TIAM1: variants seen among roughly 807,000 people sequenced by gnomAD.
TIAM1 encodes rho guanine nucleotide exchange factor TIAM1.
In TIAM1, 65 loss-of-function variants were observed where a neutral mutation model predicts 163.5. The observed-to-expected ratio is 0.40, with a 90% CI of 0.33 to 0.49. The LOEUF is 0.49. Among genes scored for constraint, TIAM1 ranks in the 20% least tolerant of loss-of-function variants. The probability of loss-of-function intolerance (pLI) is 0.77; values close to 1 mark genes in which losing one functional copy is unlikely to be tolerated. For synonymous variants in TIAM1, 833 were observed against 810.1 expected (o/e 1.03, Z -0.48); for missense variants, 1,789 against 2,044.7 (o/e 0.87, Z 2.41).
chr21:31,361,272 T>C (rs940747594), intron 2 of TIAM1, among the ~76,000 whole-genome samples: 3 of 152,186 alleles, frequency 2.0e-5, no homozygotes. Flanking sequence ...ATGATTCCAC[T>C]GATATACAGT....
intron 15 of TIAM1, among the ~76,000 whole-genome samples, chr21:31,172,880 G>GA (rs34725096): frequency 0.037 from 5,343 of 144,568 alleles, 338 homozygotes; most frequent in African/African-American, 0.12. Flanking sequence ...TTGAAAGTAA[G>GA]AAAAAAAAAA....
intron 2 of TIAM1, among the ~76,000 whole-genome samples, chr21:31,373,572 C>G (rs1008794347): frequency 1.3e-5 from 2 of 152,018 alleles, no homozygotes; most frequent in Non-Finnish European, 2.9e-5. Flanking sequence ...GCCTTGAGCA[C>G]CTAACATATG....
In TIAM1 at chr21:31,281,096, A is replaced by AC. The variant is rs1555915265; in HGVS notation, c.-188-4189_-188-4188insG. ...GTGAGACCCTAACTCAAAAAAAAAA[A>AC]AAAAAAAAAAAACAACGACAAAAAA... On this transcript the variant is annotated intron_variant, in intron 2 of 27. Coordinates refer to ENST00000541036, the MANE Select transcript of TIAM1 (RefSeq NM_001353694.2). Among the ~76,000 whole-genome samples the AC allele has an allele frequency of 1.2e-4, 18 of 151,094 alleles. 1 individual carries two copies. The highest frequency in any genetic ancestry group is 4.1e-4 in the African/African-American group (17 of 41,056).
chr21:31,469,004 A>ATTTTCTG (rs2045638599), intron 1 of TIAM1, among the ~76,000 whole-genome samples: 1 of 151,328 alleles, frequency 6.6e-6, no homozygotes, highest in African/African-American at 2.4e-5. Flanking sequence ...TCTCGATCAC[A>ATTTTCTG]AGTCCCTTTT....
intron 2 of TIAM1, among the ~76,000 whole-genome samples, chr21:31,429,078 C>A (rs1183708172): frequency 6.6e-6 from 1 of 150,716 alleles, no homozygotes; most frequent in African/African-American, 2.4e-5. Flanking sequence ...TGCCTCACTG[C>A]AACCTCTGCC....
chr21:31,383,712 A>G (rs1451111933), intron 2 of TIAM1, among the ~76,000 whole-genome samples: 2 of 152,148 alleles, frequency 1.3e-5, no homozygotes, highest in African/African-American at 4.8e-5. Flanking sequence ...CCTTGTATCT[A>G]TCTACTACAT....
intron 23 of TIAM1, among the ~76,000 whole-genome samples, chr21:31,132,214 A>G (rs2082437547): frequency 1.3e-5 from 2 of 152,196 alleles, no homozygotes; most frequent in South Asian, 2.1e-4. Flanking sequence ...TTCAATTTCT[A>G]TCCTACGGAG....
At chr21:31,386,664 C>T (rs1245023155) in intron 2 of TIAM1, among the ~76,000 whole-genome samples, 2 of 152,136 alleles carry the variant, frequency 1.3e-5, no homozygotes, top group East Asian at 1.9e-4. Flanking sequence ...ATCCTTGTGC[C>T]TGTGCAAGTG....
intron 1 of TIAM1, among the ~76,000 whole-genome samples, chr21:31,555,162 AATG>A (rs1393713404): frequency 6.6e-6 from 1 of 151,366 alleles, no homozygotes. Context: ...TTTGGCCTAC[AATG>A]ATGATGAGAG....
chr21:31,235,788 G>A (rs2088718331), intron 6 of TIAM1, among the ~76,000 whole-genome samples: 1 of 152,202 alleles, frequency 6.6e-6, no homozygotes, highest in Non-Finnish European at 1.5e-5. Flanking sequence ...TATAGAAATT[G>A]TATAGGAAGA....
intron 20 of TIAM1, among the ~76,000 whole-genome samples, chr21:31,143,714 A>G (rs942094111): frequency 5.0e-4 from 76 of 151,942 alleles, no homozygotes; most frequent in African/African-American, 1.7e-3. Context: ...GGGCATCAGA[A>G]CATGATTCTT....
intron 2 of TIAM1, among the ~76,000 whole-genome samples, chr21:31,442,458 T>C (rs904724340): frequency 1.3e-5 from 2 of 151,922 alleles, no homozygotes; most frequent in African/African-American, 4.8e-5. Flanking sequence ...GTATGGAACG[T>C]CTGACTTCAA....
chr21:31,217,087 G>C (rs1172447366), intron 9 of TIAM1, among the ~76,000 whole-genome samples: 1 of 151,936 alleles, frequency 6.6e-6, no homozygotes, highest in Non-Finnish European at 1.5e-5. Flanking sequence ...GGCACCTGTA[G>C]TCCCAGCTAC....
chr21:31,351,142 C>G (rs1022144754), intron 2 of TIAM1, among the ~76,000 whole-genome samples: 4 of 152,134 alleles, frequency 2.6e-5, no homozygotes, highest in African/African-American at 9.7e-5. Flanking sequence ...AAACCTGTAT[C>G]TCAAAATATT....
intron 2 of TIAM1, among the ~76,000 whole-genome samples, chr21:31,311,339 T>C (rs906736394): frequency 4.6e-5 from 7 of 152,214 alleles, no homozygotes; most frequent in African/African-American, 1.7e-4. Context: ...AATTGTCTTC[T>C]CTAAGACATT....
At chr21:31,481,352 CA>C (rs913698238) in intron 1 of TIAM1, among the ~76,000 whole-genome samples, 3 of 152,144 alleles carry the variant, frequency 2.0e-5, no homozygotes, top group Non-Finnish European at 4.4e-5. Flanking sequence ...CTTCTGACAC[CA>C]AATGTGTGGG....
intron 4 of TIAM1, among the ~76,000 whole-genome samples, chr21:31,260,760 A>G (rs887782293): frequency 2.6e-5 from 4 of 151,162 alleles, no homozygotes; most frequent in African/African-American, 9.7e-5. Flanking sequence ...AGGGTGTTTT[A>G]AAAATCGATT....
At chr21:31,154,176 A>G in intron 17 of TIAM1, 71 bp downstream of exon 17, 1 of 1,507,642 alleles carries the variant, frequency 6.6e-7, no homozygotes, top group South Asian at 1.2e-5. Flanking sequence ...TGTTAATGAA[A>G]ACCAGCAGAC....
intron 2 of TIAM1, among the ~76,000 whole-genome samples, chr21:31,442,213 G>A (rs779121238): frequency 2.8e-4 from 41 of 148,246 alleles, no homozygotes; most frequent in Non-Finnish European, 5.2e-4. Context: ...TTACTAAGAC[G>A]TAACGTCAGG....
Sources: allele counts gnomAD v4.1 joint callset (sites outside exome capture counted in the v4.1 genomes callset), GRCh38; gene constraint gnomAD v4.1.1; transcripts MANE v1.5; gene names NCBI Gene and HGNC (gene_info 2026-07-23, HGNC 2026-07-21).